The following NIPAL3 variants were observed in gnomAD, a reference collection of about 807,000 sequenced individuals.
The protein encoded by NIPAL3 is NIPA like domain containing 3, also known as NIPA-like protein 3.
A neutral mutation model predicts 47.2 loss-of-function variants in NIPAL3; 41 were observed. The ratio of observed to expected loss-of-function variants is 0.87; its 90% CI spans 0.68 to 1.13. The LOEUF is 1.13. NIPAL3 is among the 50% of genes most tolerant of loss of function. The pLI, the probability that NIPAL3 is intolerant of heterozygous loss-of-function variation, is 0.00. For missense variants in NIPAL3, 449 were observed against 530.1 expected (o/e 0.85, Z 1.50); for synonymous variants, 194 against 209.6 (o/e 0.93, Z 0.64).
At chr1:24,431,669 A>G (rs1644884688) in intron 2 of NIPAL3, among the ~76,000 whole-genome samples, 1 of 151,992 alleles carries the variant, frequency 6.6e-6, no homozygotes, top group African/African-American at 2.4e-5. Context: ...GTTTCTTTCC[A>G]TCTTCCCTGG....
Position 24,469,817 on chromosome 1 carries a change from C to T in NIPAL3, c.*632C>T, listed in dbSNP as rs1646844006. On this transcript the variant is annotated 3_prime_UTR_variant, in exon 12 of 12. Transcript: ENST00000374399. ...AATTGGATCTACTCTGAAAACGAAA[C>T]TTGGTTTTGGTCCTGTGAGGACTAC... 6.6e-6 allele frequency: 1 copy of T among 152,290 alleles called. No homozygotes were observed. The highest frequency in any genetic ancestry group is 1.5e-5 in the Non-Finnish European group (1 of 68,154). 9.4% of individuals were successfully genotyped at this position (152,290 alleles called of 1,614,324 possible). A position where few individuals can be genotyped will look rare whatever the true frequency, so the allele number is the denominator to read the frequency against.
chr1:24,445,551 TTCTAAAG>T (rs1645618768), intron 5 of NIPAL3, among the ~76,000 whole-genome samples: 1 of 152,158 alleles, frequency 6.6e-6, no homozygotes, highest in African/African-American at 2.4e-5. Context: ...CCTGACTGAG[TTCTAAAG>T]CAATGGGAGT....
chr1:24,471,726 G>A lies in NIPAL3; in HGVS notation c.*2541G>A, dbSNP rs1347433195. On this transcript the variant is annotated 3_prime_UTR_variant, in exon 12 of 12. Transcript: ENST00000374399. Reference sequence around the variant, plus strand: ...GAGAAGGGCAGGACCAGCACTGATTGAAAAGGAGGGCTTGTTCAGTGTGGA... The same window carrying A: ...GAGAAGGGCAGGACCAGCACTGATTAAAAAGGAGGGCTTGTTCAGTGTGGA... 6.6e-6 allele frequency: 1 copy of A among 152,250 alleles called. No homozygotes were observed. The highest frequency in any genetic ancestry group is 1.5e-5 in the Non-Finnish European group (1 of 68,092). 9.4% of individuals were successfully genotyped at this position (152,250 alleles called of 1,614,324 possible).
At position 24,445,238 on chromosome 1, in the gene NIPAL3, T is replaced by G. The variant is rs1261029301; in HGVS notation, c.388T>G (p.Phe130Val). Residue 130 changes from phenylalanine (F) to valine (V), a missense_variant, in exon 5 of 12, where the codon TTT (phenylalanine) becomes GTT (valine). Phe to Val is a conservative substitution (Grantham distance 50). Coordinates refer to ENST00000374399, the MANE Select transcript of NIPAL3 (RefSeq NM_020448.5). ...CAAGGAAAAGTGGAAACCGAAAGAC[T>G]TTCTGAGTAAGTTCAGTGATTTGAG... ...FIKEKWKPKDFLRRYVLSFVG... is the reference protein window; with the variant it reads ...FIKEKWKPKDVLRRYVLSFVG... 1.9e-6 allele frequency: 3 copies of G among 1,605,454 alleles called. No homozygotes were observed. In the Admixed American group the frequency reaches 5.0e-5, roughly 27 times the overall value.
chr1:24,428,800 T>C (rs544031291), intron 2 of NIPAL3, among the ~76,000 whole-genome samples: 64 of 152,308 alleles, frequency 4.2e-4, no homozygotes, highest in African/African-American at 1.5e-3. Context: ...TGGCCTCCAA[T>C]GTTTTTGCTG....
intron 2 of NIPAL3, among the ~76,000 whole-genome samples, chr1:24,421,371 A>C (rs547884400): frequency 9.9e-5 from 15 of 152,192 alleles, no homozygotes; most frequent in African/African-American, 3.6e-4. Flanking sequence ...GAAAGAAAAA[A>C]AGATCAGTGA....
chr1:24,453,653 A>G (rs1570341558), intron 7 of NIPAL3, 149 bp downstream of exon 7: 1 of 672,486 alleles, frequency 1.5e-6, no homozygotes, highest in Non-Finnish European at 2.6e-6. Flanking sequence ...GGCTCTGGGG[A>G]GCTGGGTCCC....
At chr1:24,418,289 G>C (rs947698123) in intron 1 of NIPAL3, among the ~76,000 whole-genome samples, 1 of 152,128 alleles carries the variant, frequency 6.6e-6, no homozygotes, top group Non-Finnish European at 1.5e-5. Context: ...TTTTAAGCAG[G>C]GTTTTGGCCA....
At chr1:24,463,371 T>A (rs1646562385) in intron 10 of NIPAL3, among the ~76,000 whole-genome samples, 1 of 152,096 alleles carries the variant, frequency 6.6e-6, no homozygotes, top group Admixed American at 6.6e-5. Context: ...TGGCATGAAA[T>A]GGAAAGGGGC....
At chr1:24,435,422 G>A (rs1048019304) in intron 2 of NIPAL3, among the ~76,000 whole-genome samples, 9 of 152,148 alleles carry the variant, frequency 5.9e-5, no homozygotes, top group Non-Finnish European at 1.3e-4. Context: ...ATATTTTGTA[G>A]TGTACCATTT....
intron 2 of NIPAL3, among the ~76,000 whole-genome samples, chr1:24,424,520 G>GT (rs1644485964): frequency 6.6e-6 from 1 of 152,178 alleles, no homozygotes; most frequent in African/African-American, 2.4e-5. Context: ...GGGGAGAGGG[G>GT]TTTTGAGGGA....
Position 24,446,352 on chromosome 1 carries a change from G to A in NIPAL3, c.394+1108G>A, listed in dbSNP as rs568165739. On this transcript the variant is annotated intron_variant, in intron 5 of 11. Transcript: ENST00000374399. ...GCAACATGTGCCATGGTGGTTTGCT[G>A]CACAGATCATCCCATCACCTAGGTA... Among the ~76,000 whole-genome samples, 822 of 152,060 alleles carry A rather than the reference G, an allele frequency of 5.4e-3. 3 individuals carry two copies. The highest frequency in any genetic ancestry group is 9.5e-3 in the Non-Finnish European group (644 of 67,996).
At chr1:24,430,985 G>C (rs1644851869) in intron 2 of NIPAL3, among the ~76,000 whole-genome samples, 1 of 152,204 alleles carries the variant, frequency 6.6e-6, no homozygotes, top group African/African-American at 2.4e-5. Flanking sequence ...TCAAAGCTTA[G>C]AGCAGGAAAT....
chr1:24,427,584 G>T (rs904908111), intron 2 of NIPAL3, among the ~76,000 whole-genome samples: 3 of 151,852 alleles, frequency 2.0e-5, no homozygotes, highest in African/African-American at 4.8e-5. Context: ...CTAATTGATT[G>T]TGCCACCTTT....
chr1:24,461,307 C>G (rs544389987), intron 10 of NIPAL3, among the ~76,000 whole-genome samples: 73 of 151,868 alleles, frequency 4.8e-4, no homozygotes, highest in Admixed American at 7.9e-4. Flanking sequence ...TTTGGAAGGC[C>G]GAGGCAGGTG....
chr1:24,471,578 CAAA>C lies in NIPAL3; in HGVS notation c.*2411_*2413del, dbSNP rs10664394. The stretch of plus-strand genomic sequence containing the variant: ...CCTGGGTGACAATGAGACCATGGCT[CAAA>C]AAAAAAAAAAAAAAAAAGATAAGCA... On this transcript the variant is annotated 3_prime_UTR_variant, in exon 12 of 12. Coordinates refer to ENST00000374399, the MANE Select transcript of NIPAL3 (RefSeq NM_020448.5). 7 of 77,024 alleles carry C rather than the reference CAAA, an allele frequency of 9.1e-5. No individual in the cohort carries two copies. Among genetic ancestry groups the C allele is most frequent in the African/African-American group, 1.9e-4 (3 of 16,182 alleles). 4.8% of individuals were successfully genotyped at this position (77,024 alleles called of 1,614,324 possible).
In NIPAL3 at chr1:24,472,433, G is replaced by A. The variant is rs1235358298; in HGVS notation, c.*3248G>A. ...ACATCAGGATTCCACTCATAGCCCTGGTTCGTTATTGTTACTCATGGCTCT... is the reference window on the plus strand; with the variant it reads ...ACATCAGGATTCCACTCATAGCCCTAGTTCGTTATTGTTACTCATGGCTCT... On this transcript the variant is annotated 3_prime_UTR_variant, in exon 12 of 12. Coordinates refer to ENST00000374399, the MANE Select transcript of NIPAL3 (RefSeq NM_020448.5). The A allele has an allele frequency of 6.6e-6, 1 of 152,174 alleles. No homozygotes were observed. Among genetic ancestry groups the A allele is most frequent in the Non-Finnish European group, 1.5e-5 (1 of 68,042 alleles). 9.4% of individuals were successfully genotyped at this position (152,174 alleles called of 1,614,324 possible).
chr1:24,417,584 G>A (rs1261718071), intron 1 of NIPAL3, among the ~76,000 whole-genome samples: 3 of 152,190 alleles, frequency 2.0e-5, no homozygotes, highest in African/African-American at 4.8e-5. Flanking sequence ...AAAGTTACCC[G>A]GTGAATGCTT....
intron 2 of NIPAL3, among the ~76,000 whole-genome samples, chr1:24,422,841 G>C (rs1056649038): frequency 6.6e-6 from 1 of 152,176 alleles, no homozygotes; most frequent in Non-Finnish European, 1.5e-5. Flanking sequence ...AATGGAACAG[G>C]GTTTCAAATC....
Sources: allele counts gnomAD v4.1 joint callset (sites outside exome capture counted in the v4.1 genomes callset), GRCh38; gene constraint gnomAD v4.1.1; transcripts MANE v1.5; gene names NCBI Gene and HGNC (gene_info 2026-07-23, HGNC 2026-07-21).